Variants in TTC39A observed in about 807,000 individuals in gnomAD.
TTC39A encodes tetratricopeptide repeat domain 39A.
In TTC39A, 46 loss-of-function variants were observed where a neutral mutation model predicts 82.3. The ratio of observed to expected loss-of-function variants is 0.56; its 90% CI spans 0.44 to 0.71. The LOEUF (loss-of-function observed/expected upper bound fraction) is 0.71, where lower values mean the gene tolerates loss of function less well. Among genes scored for constraint, TTC39A ranks in the 30% least tolerant of loss-of-function variants. The pLI is 0.00. For synonymous variants in TTC39A, 254 were observed against 275.2 expected, an observed-to-expected ratio of 0.92 and a Z score of 0.76; for missense variants, 543 against 712.9, an observed-to-expected ratio of 0.76 and a Z score of 2.71.
chr1:51,341,513 A>G (rs541618552), intron 1 of TTC39A, among the ~76,000 whole-genome samples: 22 of 152,204 alleles, frequency 1.4e-4, no homozygotes, highest in African/African-American at 5.1e-4. Context: ...AAGGACCTAA[A>G]TGTTCCAAGT....
intron 11 of TTC39A, 114 bp downstream of exon 11, chr1:51,302,243 C>CCCCCCT (rs1644693185): frequency 1.8e-6 from 1 of 568,412 alleles, no homozygotes; most frequent in African/African-American, 2.1e-5. Context: ...TCTCTTGGCC[C>CCCCCCT]CCCCCCCGCC....
chr1:51,301,761 G>A (rs760578764), intron 11 of TTC39A, 28 bp from the exon 12 acceptor site: 9 of 1,591,168 alleles, frequency 5.7e-6, no homozygotes, highest in South Asian at 5.5e-5. Flanking sequence ...TCAGCCTGAC[G>A]GGTGCCCACC....
At chr1:51,322,404 T>A in intron 1 of TTC39A, 1 of 844,770 alleles carries the variant, frequency 1.2e-6, no homozygotes, top group Non-Finnish European at 1.6e-6. Flanking sequence ...CTTACGTTTC[T>A]CTATAGCTTT....
At chr1:51,337,579 A>C (rs1468370124) in intron 1 of TTC39A, among the ~76,000 whole-genome samples, 1 of 151,904 alleles carries the variant, frequency 6.6e-6, no homozygotes, top group African/African-American at 2.4e-5. Context: ...GGTGCCCGCC[A>C]CCATGCCCAG....
chr1:51,309,030 C>T (rs960813561), intron 6 of TTC39A, among the ~76,000 whole-genome samples: 8 of 152,080 alleles, frequency 5.3e-5, no homozygotes, highest in Non-Finnish European at 7.3e-5. Flanking sequence ...GGGCCAGGCA[C>T]GGAGTAGGCA....
chr1:51,301,389 T>C (rs1644649801), intron 12 of TTC39A, 183 bp downstream of exon 12: 1 of 672,546 alleles, frequency 1.5e-6, no homozygotes. Flanking sequence ...TTGTGACACA[T>C]TGTGGTTCAG....
At chr1:51,306,203 G>A in intron 6 of TTC39A, 127 bp from the exon 7 acceptor site, 1 of 702,536 alleles carries the variant, frequency 1.4e-6, no homozygotes, top group Non-Finnish European at 2.4e-6. Context: ...GTAATCCTGA[G>A]AGCTGGTATT....
At chr1:51,312,224 G>A in intron 3 of TTC39A, 29 bp from the exon 4 acceptor site, 1 of 1,574,728 alleles carries the variant, frequency 6.4e-7, no homozygotes, top group Non-Finnish European at 8.6e-7. Context: ...GGCCTCAGGT[G>A]AGGATTAGAG....
intron 1 of TTC39A, among the ~76,000 whole-genome samples, chr1:51,340,173 A>T (rs1216077682): frequency 6.6e-6 from 1 of 152,220 alleles, no homozygotes; most frequent in Non-Finnish European, 1.5e-5. Flanking sequence ...TACCCAGTTT[A>T]TGCTATTTCA....
chr1:51,315,515 C>T lies in TTC39A; in HGVS notation c.147-2572G>A, dbSNP rs898813033. Among the ~76,000 whole-genome samples, 59 of 152,336 alleles carry T rather than the reference C, an allele frequency of 3.9e-4. 1 individual carries two copies. Among genetic ancestry groups the T allele is most frequent in the African/African-American group, 1.4e-3 (59 of 41,578 alleles). On this transcript the variant is annotated intron_variant, in intron 2 of 17. Coordinates refer to ENST00000680483, the MANE Select transcript of TTC39A (RefSeq NM_001297663.2). Reference sequence around the variant, plus strand: ...AGGGCACTGGAAGGCAGAGGCAGCCCCTTGGCCTCTCCAAGTCTCTTCCTC... The same window carrying T: ...AGGGCACTGGAAGGCAGAGGCAGCCTCTTGGCCTCTCCAAGTCTCTTCCTC...
intron 6 of TTC39A, among the ~76,000 whole-genome samples, 175 bp downstream of exon 6, chr1:51,309,086 T>C (rs779252334): frequency 9.9e-5 from 15 of 152,136 alleles, no homozygotes; most frequent in Non-Finnish European, 1.9e-4. Context: ...GCCAGAGGAA[T>C]ATGATTCCAG....
rs377490275 is a variant in TTC39A at position 51,305,101 on chromosome 1, CA to C, written c.633del (p.Phe211LeufsTer58). On this transcript the variant is annotated frameshift_variant, in exon 8 of 18. Transcript: ENST00000680483. LOFTEE classifies it high-confidence loss of function. ...GTTACCTTGTTTCCTGAAAACCCCACAAACTCCAACAGCCTCAGGATCCTAG... is the reference window on the plus strand; with the variant it reads ...GTTACCTTGTTTCCTGAAAACCCCACAACTCCAACAGCCTCAGGATCCTAG... The part of the protein sequence containing the change: ...LPTRILRLLE[F>X]VGFSGNKDYG... The C allele has an allele frequency of 6.2e-7, 1 of 1,613,636 alleles. No individual in the cohort carries two copies. The highest frequency in any genetic ancestry group is 1.3e-5 in the African/African-American group (1 of 75,038).
intron 1 of TTC39A, chr1:51,322,379 G>A: frequency 9.1e-7 from 1 of 1,103,162 alleles, no homozygotes; most frequent in Non-Finnish European, 1.2e-6. Context: ...CAGAATACCT[G>A]AGCCCTTTCC....
intron 9 of TTC39A, 143 bp downstream of exon 9, chr1:51,302,941 C>G: frequency 1.3e-6 from 1 of 753,534 alleles, no homozygotes; most frequent in Non-Finnish European, 2.2e-6. Context: ...GGCCAGTCCC[C>G]AGGACAGTGG....
intron 2 of TTC39A, among the ~76,000 whole-genome samples, chr1:51,316,612 GC>G (rs1360759882): frequency 6.6e-6 from 1 of 152,216 alleles, no homozygotes; most frequent in African/African-American, 2.4e-5. Context: ...TGGGGCCTCA[GC>G]CTCGGCCAGG....
intron 2 of TTC39A, among the ~76,000 whole-genome samples, chr1:51,318,762 T>C (rs1195797346): frequency 6.6e-6 from 1 of 152,142 alleles, no homozygotes; most frequent in African/African-American, 2.4e-5. Flanking sequence ...GGCTGAGAAA[T>C]GGACGACTCC....
chr1:51,314,430 G>A (rs1645206993), intron 2 of TTC39A, among the ~76,000 whole-genome samples: 1 of 152,230 alleles, frequency 6.6e-6, no homozygotes, highest in Non-Finnish European at 1.5e-5. Flanking sequence ...TTTATGCTGG[G>A]AACTTCAGAG....
chr1:51,288,073 G>T lies in TTC39A; in HGVS notation c.*84C>A, dbSNP rs1158594613. 3 of 1,559,016 alleles carry T rather than the reference G, an allele frequency of 1.9e-6. No homozygotes were observed. In the African/African-American group the frequency reaches 4.1e-5, roughly 21 times the overall value. ...CCGGTGGACCCCAAAGGCAGGGCAGGGCAGGGGGAGGGGGTATTTTGAAAT... is the reference window on the plus strand; with the variant it reads ...CCGGTGGACCCCAAAGGCAGGGCAGTGCAGGGGGAGGGGGTATTTTGAAAT... On this transcript the variant is annotated 3_prime_UTR_variant, in exon 18 of 18. Transcript: ENST00000680483. This position sits in a 1 kb window ranked among gnomAD's most constrained non-coding sequence, Gnocchi z 4.8.
At chr1:51,306,887 G>A (rs1644892058) in intron 6 of TTC39A, among the ~76,000 whole-genome samples, 1 of 107,468 alleles carries the variant, frequency 9.3e-6, no homozygotes, top group African/African-American at 3.9e-5. Context: ...GAGTCACTAT[G>A]AGGGTGATGA....
Sources: gnomAD v4.1 joint callset for allele counts (sites outside exome capture counted in the v4.1 genomes callset) on GRCh38, gnomAD v4.1.1 for gene constraint, Gnocchi (gnomAD v3.1) non-coding constraint, MANE v1.5 for transcripts, NCBI Gene and HGNC (gene_info 2026-07-23, HGNC 2026-07-21) for gene names.